Variants in TRIM2 observed in about 807,000 individuals in gnomAD.
TRIM2 encodes tripartite motif containing 2, also known as tripartite motif-containing protein 2.
TRIM2 carries 20 observed loss-of-function variants against 75.2 expected under a neutral mutation model. The ratio of observed to expected loss-of-function variants is 0.27; its 90% confidence interval spans 0.19 to 0.39. The LOEUF (loss-of-function observed/expected upper bound fraction) is 0.39. Among genes scored for constraint, TRIM2 ranks in the 10% least tolerant of loss-of-function variants. The pLI is 1.00. For synonymous variants in TRIM2, 373 were observed against 388.3 expected (o/e 0.96, Z 0.46); for missense variants, 660 against 990.8 (o/e 0.67, Z 4.48).
intron 3 of TRIM2, among the ~76,000 whole-genome samples, chr4:153,289,387 G>A (rs538709994): frequency 6.6e-6 from 1 of 152,252 alleles, no homozygotes; most frequent in East Asian, 1.9e-4. Flanking sequence ...CAGTAGATTA[G>A]CTACCAACCA....
intron 1 of TRIM2, among the ~76,000 whole-genome samples, chr4:153,232,423 T>C (rs1342754433): frequency 6.6e-6 from 1 of 152,158 alleles, no homozygotes; most frequent in East Asian, 1.9e-4. Flanking sequence ...CGTTTGAACC[T>C]GGGAGGCAGA....
chr4:153,305,390 G>A (rs1434575646), intron 6 of TRIM2, among the ~76,000 whole-genome samples: 1 of 152,212 alleles, frequency 6.6e-6, no homozygotes, highest in Non-Finnish European at 1.5e-5. Context: ...GTACTAGTTA[G>A]CATATTCACA....
chr4:153,211,478 TTTTC>T (rs1297216826), intron 1 of TRIM2, among the ~76,000 whole-genome samples: 1 of 140,562 alleles, frequency 7.1e-6, no homozygotes, highest in Non-Finnish European at 1.5e-5. Flanking sequence ...CTTTTTTGTT[TTTTC>T]TTTTTCTTTT....
chr4:153,322,129 G>A (rs1769130242), intron 8 of TRIM2, among the ~76,000 whole-genome samples: 1 of 151,704 alleles, frequency 6.6e-6, no homozygotes, highest in Admixed American at 6.6e-5. Context: ...GATTTTAAGG[G>A]CTGGGCACGA....
At chr4:153,190,329 G>A (rs1733052908) in intron 1 of TRIM2, among the ~76,000 whole-genome samples, 1 of 152,244 alleles carries the variant, frequency 6.6e-6, no homozygotes, top group Admixed American at 6.5e-5. Flanking sequence ...AGATAGTGGT[G>A]GGTATGACTT....
chr4:153,331,334 C>CAA (rs1377467228), intron 11 of TRIM2, among the ~76,000 whole-genome samples: 1 of 149,920 alleles, frequency 6.7e-6, no homozygotes, highest in Admixed American at 6.6e-5. Context: ...TAAGAAAAAA[C>CAA]AAAAAAAAAT....
intron 1 of TRIM2, among the ~76,000 whole-genome samples, chr4:153,192,559 A>T (rs896845706): frequency 2.0e-5 from 3 of 149,988 alleles, no homozygotes; most frequent in Non-Finnish European, 3.0e-5. Context: ...GTGAGCCATG[A>T]TCATGCCATT....
In TRIM2 at chr4:153,328,547, A is replaced by C. The variant is rs1440501034; in HGVS notation, c.2040A>C (p.Gly680=). 1.2e-6 allele frequency: 2 copies of C among 1,611,676 alleles called. No homozygotes were observed. Among genetic ancestry groups the C allele is most frequent in the Non-Finnish European group, 8.5e-7 (1 of 1,179,042 alleles). The change falls in exon 11 of 12, where the codon GGA becomes GGC. Residue 680 remains glycine (G), a synonymous_variant. Coordinates refer to ENST00000338700, the MANE Select transcript of TRIM2 (RefSeq NM_015271.5). ...TCATACAGGTGTTTAATCAGGAAGG[A>C]GAATTCATGTTGAAGTTTGGCTCAA... ...NHSVKVFNQE[G]EFMLKFGSNG...
chr4:153,294,244 A>C, intron 4 of TRIM2, 61 bp from the exon 5 acceptor site: 1 of 1,551,846 alleles, frequency 6.4e-7, no homozygotes, highest in Non-Finnish European at 8.8e-7. Context: ...TAGTGTTTAG[A>C]TAGATTTTGG....
chr4:153,165,071 T>A (rs1730160690), intron 1 of TRIM2, among the ~76,000 whole-genome samples: 1 of 152,162 alleles, frequency 6.6e-6, no homozygotes, highest in Non-Finnish European at 1.5e-5. Context: ...ACTTTATGGG[T>A]TCCACTTCTC....
At chr4:153,223,261 C>T (rs1301517968) in intron 1 of TRIM2, among the ~76,000 whole-genome samples, 6 of 152,306 alleles carry the variant, frequency 3.9e-5, no homozygotes. Flanking sequence ...AGGCCCTGCC[C>T]GCGGAGCTCT....
chr4:153,280,936 G>A (rs890736815), intron 3 of TRIM2, among the ~76,000 whole-genome samples: 6 of 152,026 alleles, frequency 3.9e-5, no homozygotes, highest in East Asian at 1.9e-4. Flanking sequence ...TGCCCGCCTC[G>A]GCCTCCCAAA....
intron 1 of TRIM2, among the ~76,000 whole-genome samples, chr4:153,243,827 C>CG (rs1251359075): frequency 7.5e-6 from 1 of 133,070 alleles, no homozygotes; most frequent in African/African-American, 2.9e-5. Flanking sequence ...TTCCCCCCCC[C>CG]CTTGAGACAG....
intron 1 of TRIM2, among the ~76,000 whole-genome samples, chr4:153,267,614 G>T (rs986552900): frequency 6.6e-6 from 1 of 152,198 alleles, no homozygotes; most frequent in African/African-American, 2.4e-5. Flanking sequence ...TCGCGCCACT[G>T]CACTCCAGCC....
chr4:153,264,335 G>A (rs1216198328), intron 1 of TRIM2, among the ~76,000 whole-genome samples: 20 of 152,108 alleles, frequency 1.3e-4, no homozygotes, highest in Admixed American at 1.3e-3. Flanking sequence ...TTGTCAATGT[G>A]TCTGATGTTA....
intron 1 of TRIM2, among the ~76,000 whole-genome samples, chr4:153,222,075 AAGAG>A (rs1207494051): frequency 1.1e-3 from 56 of 50,024 alleles, no homozygotes; most frequent in Non-Finnish European, 2.0e-3. Context: ...GAAGGAAAGA[AAGAG>A]AGAGAGAGGA....
chr4:153,311,939 A>C (rs1440968805), intron 6 of TRIM2, among the ~76,000 whole-genome samples: 1 of 122,774 alleles, frequency 8.1e-6, no homozygotes, highest in Non-Finnish European at 1.8e-5. Context: ...TTATACTTTA[A>C]GTTTTAGGGT....
At chr4:153,201,961 A>G (rs1475776486), upstream of TRIM2, among the ~76,000 whole-genome samples, 4 of 152,202 alleles carry the variant, frequency 2.6e-5, no homozygotes, top group Non-Finnish European at 4.4e-5. Context: ...TTAAAGTCAA[A>G]ATTGTGAAAG....
intron 1 of TRIM2, among the ~76,000 whole-genome samples, chr4:153,232,212 C>T (rs1743833053): frequency 6.6e-6 from 1 of 152,156 alleles, no homozygotes; most frequent in African/African-American, 2.4e-5. Context: ...CTAACAGCCA[C>T]CTTTAAAGAG....
Sources: gnomAD v4.1 joint callset for allele counts (sites outside exome capture counted in the v4.1 genomes callset) on GRCh38, gnomAD v4.1.1 for gene constraint, MANE v1.5 for transcripts, NCBI Gene and HGNC (gene_info 2026-07-23, HGNC 2026-07-21) for gene names.